PCDHA4: variants seen among roughly 807,000 people sequenced by gnomAD.
PCDHA4 encodes protocadherin alpha 4.
Under a neutral mutation model 61.4 loss-of-function variants are expected in PCDHA4, and 49 were observed. That is an observed-to-expected ratio of 0.80 (90% confidence interval 0.63 to 1.01). The LOEUF is 1.01. Ranked by LOEUF, PCDHA4 falls within the 50% of genes least tolerant of loss-of-function variation. The probability of loss-of-function intolerance (pLI) is 0.00; values close to 1 mark genes in which losing one functional copy is unlikely to be tolerated. For missense variants in PCDHA4, 1,254 were observed against 1,235.8 expected, an observed-to-expected ratio of 1.01 and a Z score of -0.22; for synonymous variants, 590 against 550.3, an observed-to-expected ratio of 1.07 and a Z score of -1.01.
chr5:140,973,549 A>G (rs1040107774), intron 1 of PCDHA4, among the ~76,000 whole-genome samples: 2 of 152,230 alleles, frequency 1.3e-5, no homozygotes, highest in Non-Finnish European at 2.9e-5. Context: ...ATTTATTTCA[A>G]TTACCTCTTT....
chr5:140,885,525 A>G (rs1206570848), intron 1 of PCDHA4, among the ~76,000 whole-genome samples: 4 of 152,128 alleles, frequency 2.6e-5, no homozygotes, highest in Admixed American at 6.6e-5. Flanking sequence ...ATCATTTCAT[A>G]TATTTCCCAA....
Position 140,807,895 on chromosome 5 carries a change from T to C in PCDHA4, c.708T>C (p.Asn236=), listed in dbSNP as rs141163311. 3.7e-6 allele frequency: 6 copies of C among 1,613,994 alleles called. No individual in the cohort carries two copies. Among genetic ancestry groups the C allele is most frequent in the Non-Finnish European group, 5.1e-6 (6 of 1,179,986 alleles). Reference sequence around the variant, plus strand: ...TACTCATCACAGTACTGGATGCCAATGACAATGCCCCAGCTTTTGACAGAA... The same window carrying C: ...TACTCATCACAGTACTGGATGCCAACGACAATGCCCCAGCTTTTGACAGAA... ...VQLLITVLDA[N]DNAPAFDRTI... The change falls in exon 1 of 4, where the codon AAT becomes AAC. Residue 236 remains asparagine, a synonymous_variant. Coordinates refer to ENST00000530339, the MANE Select transcript of PCDHA4 (RefSeq NM_018907.4).
At chr5:140,923,971 A>G (rs557891257) in intron 1 of PCDHA4, among the ~76,000 whole-genome samples, 2 of 152,330 alleles carry the variant, frequency 1.3e-5, no homozygotes, top group East Asian at 3.9e-4. Flanking sequence ...ATACCCACAC[A>G]TACTATCCCT....
intron 1 of PCDHA4, chr5:140,966,927 C>T (rs1434590204): frequency 1.2e-6 from 2 of 1,603,398 alleles, no homozygotes; most frequent in Admixed American, 1.7e-5. Flanking sequence ...GAGCAGGCAC[C>T]CGGCGCGCTC....
chr5:140,839,557 T>A (rs1776285621), intron 1 of PCDHA4, among the ~76,000 whole-genome samples: 1 of 151,956 alleles, frequency 6.6e-6, no homozygotes, highest in Non-Finnish European at 1.5e-5. Context: ...GCCCAACTAA[T>A]TTTTGTATTT....
intron 1 of PCDHA4, chr5:140,969,176 G>T (rs1554231542): frequency 6.2e-7 from 1 of 1,614,102 alleles, no homozygotes; most frequent in African/African-American, 1.3e-5. Context: ...CTCAGGGAGT[G>T]ACACTTTCAT....
In PCDHA4 at chr5:140,809,092, T is replaced by A; in HGVS notation, c.1905T>A (p.Arg635=). The A allele has an allele frequency of 6.2e-7, 1 of 1,613,942 alleles. No individual in the cohort carries two copies. Among genetic ancestry groups the A allele is most frequent in the South Asian group, 1.1e-5 (1 of 91,088 alleles). Residue 635 remains arginine, a synonymous_variant, in exon 1 of 4, where the codon CGT becomes CGA. Transcript: ENST00000530339. ...ACACTGGCGAGATCAGCACAACGCG[T>A]GCCCTGGACGAAACGGACGCTCCGC... The part of the protein sequence containing the change: ...GLYTGEISTT[R]ALDETDAPRH...
In PCDHA4 at chr5:140,882,314, C is replaced by G. The variant is rs370330527; in HGVS notation, c.2385+72742C>G. 9 of 1,614,000 alleles carry G rather than the reference C, an allele frequency of 5.6e-6. No individual in the cohort carries two copies. The Admixed American group carries it at 6.7e-5, about 12-fold the overall frequency. On this transcript the variant is annotated intron_variant, in intron 1 of 3. Transcript: ENST00000530339. ...AGGCCCAAGACCGCGGCAACTACTGCTCTGGCTTCTGATCCTCGCAGCCTG... is the reference window on the plus strand; with the variant it reads ...AGGCCCAAGACCGCGGCAACTACTGGTCTGGCTTCTGATCCTCGCAGCCTG...
intron 1 of PCDHA4, chr5:140,863,137 G>GT (rs1309983213): frequency 1.7e-6 from 1 of 604,700 alleles, no homozygotes; most frequent in Admixed American, 1.9e-5. Context: ...CCGCCTGCTG[G>GT]TGCTGGTGAA....
At chr5:140,994,036 A>G (rs1176195849) in intron 3 of PCDHA4, among the ~76,000 whole-genome samples, 1 of 152,210 alleles carries the variant, frequency 6.6e-6, no homozygotes, top group African/African-American at 2.4e-5. Flanking sequence ...AATATTAAAT[A>G]TAACACAGTC....
chr5:140,863,234 G>A (rs782122852), intron 1 of PCDHA4: 1 of 1,250,682 alleles, frequency 8.0e-7, no homozygotes. Flanking sequence ...GTCCCATCGC[G>A]GGCTTTGGCG....
At chr5:140,851,191 T>A in intron 1 of PCDHA4, 1 of 1,215,936 alleles carries the variant, frequency 8.2e-7, no homozygotes, top group Non-Finnish European at 1.1e-6. Flanking sequence ...ACCAATTTAG[T>A]TGTTAGTCAT....
chr5:140,854,880 T>C (rs1244023349), intron 1 of PCDHA4, among the ~76,000 whole-genome samples: 4 of 150,006 alleles, frequency 2.7e-5, no homozygotes, highest in African/African-American at 9.8e-5. Flanking sequence ...CTGTGTCTTT[T>C]GGGCATTTGA....
At chr5:140,859,726 A>G (rs929910976) in intron 1 of PCDHA4, 1 of 154,384 alleles carries the variant, frequency 6.5e-6, no homozygotes, top group Admixed American at 6.4e-5. Context: ...AAATTGTGGC[A>G]AGAATTTAAG....
intron 1 of PCDHA4, among the ~76,000 whole-genome samples, chr5:140,904,023 A>G (rs2070780912): frequency 1.3e-5 from 2 of 152,198 alleles, no homozygotes; most frequent in Admixed American, 6.5e-5. Flanking sequence ...AAATAATGGT[A>G]TAATTTAACT....
intron 1 of PCDHA4, among the ~76,000 whole-genome samples, chr5:140,838,045 T>G (rs1554136763): frequency 1.3e-5 from 2 of 150,866 alleles, no homozygotes; most frequent in African/African-American, 2.4e-5. Flanking sequence ...TTTCTGCACT[T>G]TTTGGTTTTC....
intron 1 of PCDHA4, among the ~76,000 whole-genome samples, chr5:140,917,003 A>C (rs2077823052): frequency 6.6e-6 from 1 of 151,818 alleles, no homozygotes; most frequent in Non-Finnish European, 1.5e-5. Flanking sequence ...CTGTTCCAAA[A>C]TCTCCCTTCA....
intron 3 of PCDHA4, among the ~76,000 whole-genome samples, chr5:140,983,431 G>T (rs947907651): frequency 5.3e-5 from 8 of 152,198 alleles, no homozygotes; most frequent in African/African-American, 1.9e-4. Flanking sequence ...ACCACAAATT[G>T]TGTCTACTCT....
rs2150250773 is a variant in PCDHA4 at position 140,836,019 on chromosome 5, G to A, written c.2385+26447G>A. 7.4e-6 allele frequency: 12 copies of A among 1,613,252 alleles called. No individual in the cohort carries two copies. In the East Asian group the frequency reaches 1.1e-4, roughly 15 times the overall value. ...GCGCGATGCGGGCGTGCCGCCTCTG[G>A]GCAGCAACGTGACGCTGCAGGTGTT... On this transcript the variant is annotated intron_variant, in intron 1 of 3. Coordinates refer to ENST00000530339, the MANE Select transcript of PCDHA4 (RefSeq NM_018907.4).
Sources: gnomAD v4.1 joint callset for allele counts (sites outside exome capture counted in the v4.1 genomes callset) on GRCh38, gnomAD v4.1.1 for gene constraint, MANE v1.5 for transcripts, NCBI Gene and HGNC (gene_info 2026-07-23, HGNC 2026-07-21) for gene names.